Variants in WDR4 observed in about 807,000 individuals in gnomAD.
The protein encoded by WDR4 is tRNA (guanine-N(7)-)-methyltransferase non-catalytic subunit WDR4.
A neutral mutation model predicts 48.6 loss-of-function variants in WDR4; 47 were observed. The observed-to-expected ratio is 0.97, with a 90% CI of 0.77 to 1.23. WDR4 has a LOEUF of 1.23. WDR4 is among the 50% of genes most tolerant of loss of function. WDR4 has a pLI of 0.00. For synonymous variants in WDR4, 268 were observed against 230.0 expected, an observed-to-expected ratio of 1.17 and a Z score of -1.49; for missense variants, 606 against 551.6, an observed-to-expected ratio of 1.10 and a Z score of -0.99.
At chr21:42,859,492 G>C (rs1403087321) in intron 6 of WDR4, among the ~76,000 whole-genome samples, 170 bp downstream of exon 6, 1 of 152,110 alleles carries the variant, frequency 6.6e-6, no homozygotes, top group Non-Finnish European at 1.5e-5. Flanking sequence ...GCAGTCCTGA[G>C]TGAGCGGCCG....
chr21:42,885,638 A>G, the WDR4 span, among the ~76,000 whole-genome samples: 1 of 152,148 alleles, frequency 6.6e-6, no homozygotes, highest in South Asian at 2.1e-4. Flanking sequence ...ATAGATATAA[A>G]TTAGGTTATC....
chr21:42,880,774 C>G (rs369305799), upstream of WDR4, among the ~76,000 whole-genome samples: 12 of 152,152 alleles, frequency 7.9e-5, no homozygotes, highest in African/African-American at 2.7e-4. Context: ...CTGTCATTAG[C>G]AAATTGTGAG....
At chr21:42,852,138 C>G in intron 10 of WDR4, 117 bp downstream of exon 10, 2 of 1,080,494 alleles carry the variant, frequency 1.9e-6, no homozygotes, top group Admixed American at 2.0e-5. Context: ...CACACGCTTA[C>G]TCTCCCTCTT....
At chr21:42,882,534 C>T (rs373918321), upstream of WDR4, among the ~76,000 whole-genome samples, 43 of 151,820 alleles carry the variant, frequency 2.8e-4, 1 homozygote, top group East Asian at 8.4e-3. Context: ...TGCATTCCAG[C>T]CTGGGCAACA....
chr21:42,879,002 C>G (rs73233316), intron 1 of WDR4: 1 of 1,014,854 alleles, frequency 9.9e-7, no homozygotes, highest in Non-Finnish European at 1.2e-6. Context: ...CAGGGAGACC[C>G]GAGACCCGCT....
rs374861109 is a variant in WDR4 at position 42,855,743 on chromosome 21, C to A, written c.665G>T (p.Arg222Leu). ...GGCCAGGTGACAGCAGTGCAGCTGG[C>A]GGCCGCTCCTGTACTCCCAGAGCCT... The part of the protein sequence containing the change: ...TLRLWEYRSG[R>L]QLHCCHLASL... The change falls in exon 7 of 11, where the codon CGC becomes CTC. Residue 222 changes from arginine to leucine, a missense_variant. By Grantham distance (102) the Arg-to-Leu change is moderately radical (BLOSUM62 -2). Transcript: ENST00000398208. 1.3e-6 allele frequency: 2 copies of A among 1,553,512 alleles called. No homozygotes were observed. The highest frequency in any genetic ancestry group is 1.7e-6 in the Non-Finnish European group (2 of 1,148,130).
intron 2 of WDR4, among the ~76,000 whole-genome samples, chr21:42,875,175 A>G (rs2058463456): frequency 6.6e-6 from 1 of 152,112 alleles, no homozygotes; most frequent in Non-Finnish European, 1.5e-5. Context: ...CTTTGGGAGG[A>G]CAAGGCGAGA....
intron 3 of WDR4, among the ~76,000 whole-genome samples, chr21:42,865,836 C>G (rs999277986): frequency 6.6e-6 from 1 of 152,116 alleles, no homozygotes; most frequent in Non-Finnish European, 1.5e-5. Flanking sequence ...CCACCCATCT[C>G]CACACCCTCC....
At chr21:42,856,623 T>C (rs2057999164) in intron 6 of WDR4, among the ~76,000 whole-genome samples, 1 of 152,130 alleles carries the variant, frequency 6.6e-6, no homozygotes, top group Admixed American at 6.5e-5. Context: ...TCAATACTCA[T>C]TAAATCTAAT....
the WDR4 span, among the ~76,000 whole-genome samples, chr21:42,892,990 G>A: frequency 6.6e-6 from 1 of 152,266 alleles, no homozygotes; most frequent in Non-Finnish European, 1.5e-5. Flanking sequence ...CGTTCGGGTG[G>A]ACATGCAAGC....
chr21:42,890,332 G>T, the WDR4 span, among the ~76,000 whole-genome samples: 1 of 152,030 alleles, frequency 6.6e-6, no homozygotes, highest in Admixed American at 6.6e-5. Flanking sequence ...TCAAGAGTTC[G>T]AGACCAGCTT....
intron 2 of WDR4, among the ~76,000 whole-genome samples, chr21:42,874,078 T>C (rs1317476265): frequency 3.9e-5 from 6 of 152,154 alleles, no homozygotes; most frequent in Admixed American, 3.9e-4. Context: ...CACTTTGGTG[T>C]TGCGAGAAGT....
At chr21:42,890,498 T>A in the WDR4 span, among the ~76,000 whole-genome samples, 1 of 152,276 alleles carries the variant, frequency 6.6e-6, no homozygotes, top group Admixed American at 6.5e-5. Context: ...ATCGCGCCAC[T>A]GCACTCCAGC....
At chr21:42,859,566 C>CAGCGATCCACAGGGGCT in intron 6 of WDR4, 96 bp downstream of exon 6, 1 of 1,357,722 alleles carries the variant, frequency 7.4e-7, no homozygotes, top group Non-Finnish European at 1.0e-6. Flanking sequence ...AGCCAGGGGC[C>CAGCGATCCACAGGGGCT]AGCGATCCAC....
Position 42,854,566 on chromosome 21 carries a change from C to G in WDR4, c.787G>C (p.Asp263His), listed in dbSNP as rs776652538. ...CQENCVALLC[D>H]GTPVVYIFQL... ...AGAGGTGCCGCCGCAGCTTACCCGT[C>G]GCACAGGAGCGCCACGCAGTTCTCC... Residue 263 changes from aspartate (D) to histidine (H), a missense_variant, in exon 8 of 11, where the codon GAC (aspartate) becomes CAC (histidine). By Grantham distance (81) the Asp-to-His change is moderately conservative. Transcript: ENST00000398208. The G allele has an allele frequency of 6.2e-7, 1 of 1,613,272 alleles. No individual in the cohort carries two copies. The highest frequency in any genetic ancestry group is 1.3e-5 in the African/African-American group (1 of 74,908).
chr21:42,863,697 C>A (rs2058172878), intron 3 of WDR4, 101 bp from the exon 4 acceptor site: 4 of 1,325,172 alleles, frequency 3.0e-6, no homozygotes, highest in African/African-American at 1.5e-5. Context: ...CGGTACCTGG[C>A]CATATGCTCT....
chr21:42,877,363 C>T (rs1716163408), intron 1 of WDR4, among the ~76,000 whole-genome samples: 1 of 151,220 alleles, frequency 6.6e-6, no homozygotes, highest in African/African-American at 2.4e-5. Flanking sequence ...AGGCTGGTCT[C>T]AAGCTCCTGA....
rs1477565983 is a variant in WDR4 at position 42,879,522 on chromosome 21, C to T, written c.-27G>A. 2.5e-6 allele frequency: 4 copies of T among 1,611,702 alleles called. No individual in the cohort carries two copies. The highest frequency in any genetic ancestry group is 1.3e-5 in the African/African-American group (1 of 74,972). ...TACCCGCCCGCCTCACCGCCATACACATGTGCCAGCCCAGAGCCTCTTCCT... is the reference window on the plus strand; with the variant it reads ...TACCCGCCCGCCTCACCGCCATACATATGTGCCAGCCCAGAGCCTCTTCCT... On this transcript the variant is annotated 5_prime_UTR_variant, in exon 1 of 11. The change creates a new upstream start codon in the 5' untranslated region. Transcript: ENST00000398208.
chr21:42,861,365 G>GGAAGGGTGGGGTGGGGAGGGGGGAGGGA (rs2058113460), intron 5 of WDR4, among the ~76,000 whole-genome samples: 1 of 138,440 alleles, frequency 7.2e-6, no homozygotes, highest in African/African-American at 2.6e-5. Flanking sequence ...GGAAGGGAGG[G>GGAAGGGTGGGGTGGGGAGGGGGGAGGGA]AGGGAGGGAG....
Sources: gnomAD v4.1 joint callset for allele counts (sites outside exome capture counted in the v4.1 genomes callset) on GRCh38, gnomAD v4.1.1 for gene constraint, MANE v1.5 for transcripts, NCBI Gene and HGNC (gene_info 2026-07-23, HGNC 2026-07-21) for gene names.